Variants in CEP128 observed in about 807,000 individuals in gnomAD.
CEP128 encodes centrosomal protein 128.
CEP128 carries 132 observed loss-of-function variants against 156.7 expected under a neutral mutation model. The observed-to-expected ratio is 0.84, with a 90% CI of 0.73 to 0.97. The LOEUF (loss-of-function observed/expected upper bound fraction) is 0.97, where lower values mean the gene tolerates loss of function less well. Among genes scored for constraint, CEP128 ranks in the 50% least tolerant of loss-of-function variants. The probability of loss-of-function intolerance (pLI) is 0.00; values close to 1 mark genes in which losing one functional copy is unlikely to be tolerated. For missense variants in CEP128, 1,252 were observed against 1,281.9 expected (o/e 0.98, Z 0.36); for synonymous variants, 469 against 448.9 (o/e 1.04, Z -0.57).
Position 80,713,680 on chromosome 14 carries a change from A to C in CEP128, c.2806+29395T>G, listed in dbSNP as rs567341772. On this transcript the variant is annotated intron_variant, in intron 19 of 24. Transcript: ENST00000555265. Reference sequence around the variant, plus strand: ...TTCTTTAATCTCCCCTGTTTTGCACATAGTAGATTGATTGTTGTGTATCCA... The same window carrying C: ...TTCTTTAATCTCCCCTGTTTTGCACCTAGTAGATTGATTGTTGTGTATCCA... 7.9e-5 allele frequency among the ~76,000 whole-genome samples: 12 copies of C among 152,350 alleles called. No homozygotes were observed. In the South Asian group the frequency reaches 2.5e-3, roughly 32 times the overall value.
At chr14:80,597,520 C>A (rs1053574153) in intron 19 of CEP128, among the ~76,000 whole-genome samples, 4 of 151,754 alleles carry the variant, frequency 2.6e-5, no homozygotes, top group Admixed American at 6.6e-5. Context: ...CCAGTTTATA[C>A]AATTTCTTTC....
intron 20 of CEP128, among the ~76,000 whole-genome samples, chr14:80,563,603 G>A (rs956417927): frequency 4.6e-5 from 6 of 131,546 alleles, no homozygotes; most frequent in Admixed American, 1.8e-4. Flanking sequence ...GCACAATCTC[G>A]GCTCACTGCA....
At chr14:80,783,387 C>G (rs1901228517) in intron 15 of CEP128, among the ~76,000 whole-genome samples, 2 of 152,128 alleles carry the variant, frequency 1.3e-5, no homozygotes, top group South Asian at 4.1e-4. Flanking sequence ...TGCTGTAAGA[C>G]CGTGGGCAAA....
intron 16 of CEP128, among the ~76,000 whole-genome samples, chr14:80,774,555 T>C (rs1221448829): frequency 6.6e-6 from 1 of 152,286 alleles, no homozygotes; most frequent in East Asian, 1.9e-4. Context: ...TGCCCCAGAC[T>C]GGCCACCTTA....
intron 13 of CEP128, among the ~76,000 whole-genome samples, chr14:80,803,010 T>A (rs2139899212): frequency 6.6e-6 from 1 of 152,290 alleles, no homozygotes; most frequent in South Asian, 2.1e-4. Context: ...AAAGAACGCA[T>A]TTGTCAGTTT....
At chr14:80,810,063 C>T (rs1317907329) in intron 13 of CEP128, among the ~76,000 whole-genome samples, 1 of 151,908 alleles carries the variant, frequency 6.6e-6, no homozygotes, top group African/African-American at 2.4e-5. Flanking sequence ...GTGGCTCATG[C>T]CTGTAATCCC....
chr14:80,486,673 A>C (rs1432084162), downstream of CEP128, among the ~76,000 whole-genome samples: 1 of 152,238 alleles, frequency 6.6e-6, no homozygotes, highest in Non-Finnish European at 1.5e-5. Context: ...CGGATCTCTC[A>C]GCAGAAACTC....
intron 10 of CEP128, among the ~76,000 whole-genome samples, chr14:80,839,979 C>T (rs1436882716): frequency 2.6e-5 from 4 of 152,056 alleles, no homozygotes; most frequent in Non-Finnish European, 5.9e-5. Context: ...ATCTGATGGC[C>T]TAACATACTT....
At chr14:80,634,744 T>C (rs938563582) in intron 19 of CEP128, among the ~76,000 whole-genome samples, 1 of 152,186 alleles carries the variant, frequency 6.6e-6, no homozygotes, top group African/African-American at 2.4e-5. Flanking sequence ...TGTCTTTTTT[T>C]CCATTTCCAC....
chr14:80,877,405 A>G (rs1263729048), intron 8 of CEP128, among the ~76,000 whole-genome samples: 1 of 152,204 alleles, frequency 6.6e-6, no homozygotes, highest in Non-Finnish European at 1.5e-5. Flanking sequence ...ATGATACTCT[A>G]TAAAATAGCA....
At chr14:80,587,870 A>G (rs888522404) in intron 19 of CEP128, among the ~76,000 whole-genome samples, 1 of 152,172 alleles carries the variant, frequency 6.6e-6, no homozygotes, top group Non-Finnish European at 1.5e-5. Context: ...TGTACTCTGC[A>G]TTACACTCAC....
intron 11 of CEP128, among the ~76,000 whole-genome samples, chr14:80,837,100 G>A (rs866635040): frequency 6.6e-6 from 1 of 152,164 alleles, no homozygotes; most frequent in Non-Finnish European, 1.5e-5. Flanking sequence ...CAAAGTCAGC[G>A]AATATTTTCA....
At position 80,526,780 on chromosome 14, in the gene CEP128, TACACAA is replaced by T. The variant is rs1888989399; in HGVS notation, c.3072+83_3072+88del. 7.7e-6 allele frequency: 5 copies of T among 647,140 alleles called. No homozygotes were observed. The East Asian group carries it at 1.3e-4, about 17-fold the overall frequency. The allele number at this position is 647,140 out of a possible 1,614,324, so 40.1% of individuals were successfully genotyped here. ...AAATATTTTCTTTCACAAGTGCCCT[TACACAA>T]ACACTGCAGAGGCTGCTTAAGAGGT... On this transcript the variant is annotated intron_variant, in intron 23 of 24. Transcript: ENST00000555265.
At chr14:80,890,912 G>A (rs1336262736) in intron 8 of CEP128, among the ~76,000 whole-genome samples, 1 of 152,022 alleles carries the variant, frequency 6.6e-6, no homozygotes, top group Non-Finnish European at 1.5e-5. Context: ...TTCTCAGAAG[G>A]AGACACACAA....
At chr14:80,533,034 C>T (rs1269624726) in intron 21 of CEP128, among the ~76,000 whole-genome samples, 2 of 152,104 alleles carry the variant, frequency 1.3e-5, no homozygotes, top group Non-Finnish European at 1.5e-5. Context: ...CTTACACTGC[C>T]ATGCATTTTA....
At chr14:80,583,389 A>T (rs1002231247) in intron 19 of CEP128, among the ~76,000 whole-genome samples, 3 of 151,808 alleles carry the variant, frequency 2.0e-5, no homozygotes, top group African/African-American at 7.3e-5. Flanking sequence ...TCTTTTCCAC[A>T]TGATTTCCAT....
chr14:80,850,632 G>A (rs1304413382), intron 9 of CEP128, among the ~76,000 whole-genome samples: 1 of 152,110 alleles, frequency 6.6e-6, no homozygotes, highest in Non-Finnish European at 1.5e-5. Context: ...AAGTCAATCA[G>A]CATTTGCTGT....
chr14:80,955,552 C>G, intron 2 of CEP128: 1 of 1,116,230 alleles, frequency 9.0e-7, no homozygotes, highest in Non-Finnish European at 1.4e-6. Context: ...AGGTCACAGC[C>G]CCTTGGAGCC....
chr14:80,672,915 CAATTT>C (rs1457427010), intron 19 of CEP128, among the ~76,000 whole-genome samples: 2 of 152,032 alleles, frequency 1.3e-5, no homozygotes, highest in Non-Finnish European at 2.9e-5. Flanking sequence ...TTGTCAATGA[CAATTT>C]AATTCCAATC....
Sources: allele counts gnomAD v4.1 joint callset (sites outside exome capture counted in the v4.1 genomes callset), GRCh38; gene constraint gnomAD v4.1.1; transcripts MANE v1.5; gene names NCBI Gene and HGNC (gene_info 2026-07-23, HGNC 2026-07-21).